Variants in MARCHF2 observed in about 807,000 individuals in gnomAD.
MARCHF2 encodes the protein membrane associated ring-CH-type finger 2.
MARCHF2 carries 22 observed loss-of-function variants against 24.0 expected under a neutral mutation model. The ratio of observed to expected loss-of-function variants is 0.92; its 90% CI spans 0.66 to 1.31. MARCHF2 has a LOEUF of 1.31. Among genes scored for constraint, MARCHF2 ranks in the 50% most tolerant of loss-of-function variants. The pLI is 0.00. For missense variants in MARCHF2, 301 were observed against 335.3 expected (o/e 0.90, Z 0.80); for synonymous variants, 154 against 153.0 (o/e 1.01, Z -0.05).
chr19:8,416,256 C>A (rs921538874), intron 1 of MARCHF2, among the ~76,000 whole-genome samples: 1 of 150,950 alleles, frequency 6.6e-6, no homozygotes, highest in South Asian at 2.1e-4. Context: ...GCAGGAGAAT[C>A]CCTTGAACCC....
At chr19:8,437,408 G>A (rs1228825260) in intron 4 of MARCHF2, among the ~76,000 whole-genome samples, 2 of 134,092 alleles carry the variant, frequency 1.5e-5, no homozygotes, top group Non-Finnish European at 3.1e-5. Flanking sequence ...CTGGAGTGCC[G>A]TGGTGCGATC....
chr19:8,435,825 G>C (rs1967701668), intron 4 of MARCHF2, among the ~76,000 whole-genome samples: 1 of 117,270 alleles, frequency 8.5e-6, no homozygotes, highest in Non-Finnish European at 1.8e-5. Context: ...CACTGCACCT[G>C]GCCTGTGTGT....
chr19:8,420,044 G>C (rs1388824783), intron 1 of MARCHF2, among the ~76,000 whole-genome samples: 1 of 150,144 alleles, frequency 6.7e-6, no homozygotes. Context: ...TGTAGTCCCA[G>C]CTACTCAGGA....
rs896033476 is a variant in MARCHF2, at chr19:8,430,082, G to A, written c.373-576G>A. On this transcript the variant is annotated intron_variant, in intron 3 of 4. Coordinates refer to ENST00000215555, the MANE Select transcript of MARCHF2 (RefSeq NM_001005415.2). This position sits in a 1 kb window ranked among gnomAD's most constrained non-coding sequence, Gnocchi z 4.4. Reference sequence around the variant, plus strand: ...CAATAAATGTTTGAAAGAAGGAAAGGGCCAGGCGTGGTGGCTCACACCTGT... The same window carrying A: ...CAATAAATGTTTGAAAGAAGGAAAGAGCCAGGCGTGGTGGCTCACACCTGT... 6.6e-6 allele frequency among the ~76,000 whole-genome samples: 1 copy of A among 152,030 alleles called. No homozygotes were observed. The highest frequency in any genetic ancestry group is 1.9e-4 in the East Asian group (1 of 5,176).
chr19:8,419,825 A>G (rs1241183271), intron 1 of MARCHF2, among the ~76,000 whole-genome samples: 2 of 141,054 alleles, frequency 1.4e-5, no homozygotes, highest in Non-Finnish European at 3.0e-5. Flanking sequence ...CAAAAAAAAA[A>G]TAAATAAATA....
At chr19:8,420,160 A>AAAATAAATAAAT (rs74176647) in intron 1 of MARCHF2, among the ~76,000 whole-genome samples, 20 of 130,574 alleles carry the variant, frequency 1.5e-4, no homozygotes, top group East Asian at 8.7e-4. Flanking sequence ...TCCGTCTCAA[A>AAAATAAATAAAT]AAATAAATAA....
At chr19:8,427,328 C>T (rs1967433353) in intron 3 of MARCHF2, among the ~76,000 whole-genome samples, 1 of 151,982 alleles carries the variant, frequency 6.6e-6, no homozygotes, top group African/African-American at 2.4e-5. Context: ...GGATTACAGG[C>T]ATGAGCCACC....
chr19:8,425,414 A>G (rs2145553131), intron 2 of MARCHF2, among the ~76,000 whole-genome samples: 1 of 151,812 alleles, frequency 6.6e-6, no homozygotes, highest in Non-Finnish European at 1.5e-5. Context: ...AAAAAAAAGA[A>G]AATTTTTTTT....
At chr19:8,433,203 G>A (rs1967625563) in intron 4 of MARCHF2, among the ~76,000 whole-genome samples, 1 of 151,642 alleles carries the variant, frequency 6.6e-6, no homozygotes. Flanking sequence ...GGGTGATAGA[G>A]CCTGACCTTG....
chr19:8,421,590 A>T (rs1967244947), intron 1 of MARCHF2, among the ~76,000 whole-genome samples, 199 bp from the exon 2 acceptor site: 1 of 151,996 alleles, frequency 6.6e-6, no homozygotes, highest in Non-Finnish European at 1.5e-5. Context: ...GCTGTATACC[A>T]GCCTTGTGCT....
At chr19:8,419,676 C>T (rs1212306026) in intron 1 of MARCHF2, among the ~76,000 whole-genome samples, 9 of 146,704 alleles carry the variant, frequency 6.1e-5, no homozygotes, top group African/African-American at 1.8e-4. Flanking sequence ...ATTAGCCGGG[C>T]GTGGTGGCGG....
chr19:8,416,612 C>T (rs1017074578), intron 1 of MARCHF2, among the ~76,000 whole-genome samples: 1 of 152,116 alleles, frequency 6.6e-6, no homozygotes, highest in African/African-American at 2.4e-5. Flanking sequence ...CTCTGTGGCC[C>T]AGGCTGGAGT....
Position 8,438,489 on chromosome 19 carries a change from G to A in MARCHF2, c.684G>A (p.Gln228=). The A allele has an allele frequency of 6.2e-7, 1 of 1,614,126 alleles. No homozygotes were observed. Among genetic ancestry groups the A allele is most frequent in the Non-Finnish European group, 8.5e-7 (1 of 1,180,026 alleles). ...AGGCGGACAGCCCCGAGGGCCCCCA[G>A]CATTCTCCACTGGCAGCTGGACTCC... ...IREADSPEGP[Q]HSPLAAGLLK... is the part of the protein sequence containing the mutation. Residue 228 remains glutamine, a synonymous_variant, in exon 5 of 5, where the codon CAG becomes CAA. Transcript: ENST00000215555.
chr19:8,426,912 TC>T, intron 3 of MARCHF2, 108 bp downstream of exon 3: 1 of 969,112 alleles, frequency 1.0e-6, no homozygotes, highest in Non-Finnish European at 1.5e-6. Flanking sequence ...AGGGCAGAAC[TC>T]CCTACCGCCC....
At chr19:8,429,705 T>C (rs539643170) in intron 3 of MARCHF2, among the ~76,000 whole-genome samples, 1 of 150,562 alleles carries the variant, frequency 6.6e-6, no homozygotes, top group African/African-American at 2.4e-5. Flanking sequence ...GGTTTCTCCA[T>C]GTTAGCCAGG....
At chr19:8,432,322 T>C (rs995367381) in intron 4 of MARCHF2, among the ~76,000 whole-genome samples, 2 of 151,668 alleles carry the variant, frequency 1.3e-5, no homozygotes, top group Non-Finnish European at 2.9e-5. Context: ...GCAAGAAGGT[T>C]CAAGACCAGG....
intron 2 of MARCHF2, among the ~76,000 whole-genome samples, chr19:8,425,738 TC>T (rs1967380702): frequency 6.6e-6 from 1 of 151,606 alleles, no homozygotes; most frequent in South Asian, 2.1e-4. Flanking sequence ...TGCCTCAGCC[TC>T]CCCAGTAGCT....
At chr19:8,431,092 T>C (rs1437635805) in intron 4 of MARCHF2, among the ~76,000 whole-genome samples, 1 of 152,118 alleles carries the variant, frequency 6.6e-6, no homozygotes, top group African/African-American at 2.4e-5. Context: ...AACCTTGACC[T>C]GAGTGCAGGA....
intron 2 of MARCHF2, 41 bp downstream of exon 2, chr19:8,422,057 C>A (rs765472105): frequency 6.4e-7 from 1 of 1,564,068 alleles, no homozygotes; most frequent in Admixed American, 1.8e-5. Context: ...TTTGTTGCCT[C>A]TTCTCTCTGG....
Sources: gnomAD v4.1 joint callset for allele counts (sites outside exome capture counted in the v4.1 genomes callset) on GRCh38, gnomAD v4.1.1 for gene constraint, Gnocchi (gnomAD v3.1) non-coding constraint, MANE v1.5 for transcripts, NCBI Gene and HGNC (gene_info 2026-07-23, HGNC 2026-07-21) for gene names.